The following DRC7 variants were observed in gnomAD, a reference collection of about 807,000 sequenced individuals.
DRC7 encodes the protein coiled-coil domain containing 135.
Under a neutral mutation model 104.4 loss-of-function variants are expected in DRC7, and 80 were observed. That is an observed-to-expected ratio of 0.77 (90% confidence interval 0.64 to 0.92). DRC7 has a LOEUF of 0.92. DRC7 is among the 40% of genes least tolerant of loss of function. DRC7 has a pLI of 0.00. For synonymous variants in DRC7, 405 were observed against 447.3 expected, an observed-to-expected ratio of 0.91 and a Z score of 1.19; for missense variants, 1,034 against 1,141.1, an observed-to-expected ratio of 0.91 and a Z score of 1.35.
chr16:57,727,205 A>T (rs992086297), intron 15 of DRC7, 94 bp from the exon 16 acceptor site: 18 of 992,850 alleles, frequency 1.8e-5, no homozygotes, highest in Non-Finnish European at 2.5e-5. Context: ...TCCTGAATTC[A>T]TGCAATCTGC....
At chr16:57,696,772 T>C (rs1448478421) in intron 2 of DRC7, among the ~76,000 whole-genome samples, 178 bp downstream of exon 2, 2 of 152,384 alleles carry the variant, frequency 1.3e-5, no homozygotes, top group East Asian at 3.9e-4. Context: ...CCTGTTTGTA[T>C]GCCCTGGTGC....
intron 5 of DRC7, among the ~76,000 whole-genome samples, chr16:57,700,518 A>G (rs1379536387): frequency 6.6e-6 from 1 of 152,078 alleles, no homozygotes; most frequent in Non-Finnish European, 1.5e-5. Context: ...GTGGTGGCAC[A>G]TGCCTGTAAT....
chr16:57,722,815 G>A lies in DRC7; in HGVS notation c.1382G>A (p.Arg461His), dbSNP rs141168933. ...CTCAATAGCAATGGCCTTGTGAGCCGCCTCACCACCTATGAGGACTTGCAG... is the reference window on the plus strand; with the variant it reads ...CTCAATAGCAATGGCCTTGTGAGCCACCTCACCACCTATGAGGACTTGCAG... ...PYLNSNGLVS[R>H]LTTYEDLQCT... The change falls in exon 11 of 19, where the codon CGC (arginine) becomes CAC (histidine). Residue 461 changes from arginine to histidine, a missense_variant. Transcript: ENST00000360716. The A allele has an allele frequency of 3.7e-5, 59 of 1,613,692 alleles. No homozygotes were observed. In the African/African-American group the frequency reaches 5.6e-4, roughly 15 times the overall value.
In DRC7 at chr16:57,731,753, T is replaced by G. The variant is rs2049064155; in HGVS notation, c.*495T>G. On this transcript the variant is annotated 3_prime_UTR_variant, in exon 19 of 19. Transcript: ENST00000360716. ...GCTCCTCCTCTTACCAGATACCACT[T>G]ACCCATCTGTGGAATGGGGTAGCAT... The G allele has an allele frequency of 1.2e-5, 2 of 163,888 alleles. No individual in the cohort carries two copies. Among genetic ancestry groups the G allele is most frequent in the South Asian group, 1.7e-4 (1 of 6,016 alleles). 10.2% of individuals were successfully genotyped at this position (163,888 alleles called of 1,614,324 possible).
At chr16:57,719,166 G>A (rs866951313) in intron 9 of DRC7, among the ~76,000 whole-genome samples, 48 of 152,078 alleles carry the variant, frequency 3.2e-4, no homozygotes, top group African/African-American at 3.9e-4. Flanking sequence ...TCTGAATGTC[G>A]TTGGCCAGGG....
In DRC7 at chr16:57,697,788, A is replaced by G. The variant is rs188459270; in HGVS notation, c.-37-125A>G. 8.9e-6 allele frequency: 9 copies of G among 1,007,362 alleles called. No homozygotes were observed. The East Asian group carries it at 2.2e-4, about 24-fold the overall frequency. 62.4% of individuals were successfully genotyped at this position (1,007,362 alleles called of 1,614,324 possible). ...TTGAAAGGAAGTCAAAGAGGGAATC[A>G]CTCCCTATGTGTTCGACACCTCCTC... On this transcript the variant is annotated intron_variant, in intron 2 of 18. Coordinates refer to ENST00000360716, the MANE Select transcript of DRC7 (RefSeq NM_001289162.2).
chr16:57,698,191 C>A (rs756834833), intron 3 of DRC7, 39 bp downstream of exon 3: 1 of 1,612,350 alleles, frequency 6.2e-7, no homozygotes, highest in Non-Finnish European at 8.5e-7. Flanking sequence ...AAGGGTAGAC[C>A]GGGGCTGGGC....
chr16:57,728,081 T>C lies in DRC7; in HGVS notation c.2197-309T>C, dbSNP rs917593091. On this transcript the variant is annotated intron_variant, in intron 16 of 18. Transcript: ENST00000360716. ...CCGTTGACTGAATAAGCATCTACTATGGATTGTCAGGCATCAGGCTGCGTG... is the reference window on the plus strand; with the variant it reads ...CCGTTGACTGAATAAGCATCTACTACGGATTGTCAGGCATCAGGCTGCGTG... 1.9e-4 allele frequency among the ~76,000 whole-genome samples: 29 copies of C among 152,354 alleles called. 1 individual carries two copies. The highest frequency in any genetic ancestry group is 3.4e-3 in the Middle Eastern group (1 of 294).
rs1254179195 is a variant in DRC7 at position 57,695,998 on chromosome 16, G to T, written c.-168-466G>T. The stretch of plus-strand genomic sequence containing the variant: ...TGCTCCTGGCTTCACCCAGGGAAGT[G>T]GGGGATGATTAGAAAATCAAGGGGA... On this transcript the variant is annotated intron_variant, in intron 1 of 18. Transcript: ENST00000360716. Among the ~76,000 whole-genome samples the T allele has an allele frequency of 2.0e-5, 3 of 152,334 alleles. No homozygotes were observed. The East Asian group carries it at 5.8e-4, about 29-fold the overall frequency.
At chr16:57,717,406 A>T (rs1305542904) in intron 8 of DRC7, among the ~76,000 whole-genome samples, 2 of 151,074 alleles carry the variant, frequency 1.3e-5, no homozygotes, top group Non-Finnish European at 3.0e-5. Context: ...TGGCTTAAAA[A>T]AAAAAAAAAA....
At chr16:57,724,541 G>T in intron 12 of DRC7, 74 bp from the exon 13 acceptor site, 4 of 1,078,364 alleles carry the variant, frequency 3.7e-6, no homozygotes, top group Non-Finnish European at 5.4e-6. Flanking sequence ...GCCTGGGGTT[G>T]GGCGACCAAG....
At chr16:57,723,681 T>G (rs2048931792) in intron 12 of DRC7, among the ~76,000 whole-genome samples, 1 of 151,802 alleles carries the variant, frequency 6.6e-6, no homozygotes, top group Admixed American at 6.6e-5. Flanking sequence ...TGAGCCGAGA[T>G]TATGCCACTG....
At chr16:57,718,052 G>A (rs1168763694) in intron 8 of DRC7, among the ~76,000 whole-genome samples, 4 of 152,230 alleles carry the variant, frequency 2.6e-5, no homozygotes, top group African/African-American at 4.8e-5. Context: ...TCCAGGTCTA[G>A]CCCAGGCCAG....
intron 4 of DRC7, 92 bp from the exon 5 acceptor site, chr16:57,700,053 A>G (rs2048640329): frequency 1.4e-6 from 2 of 1,467,406 alleles, no homozygotes; most frequent in South Asian, 2.6e-5. Flanking sequence ...TCAGGCCTCT[A>G]GGGTCCCCCT....
chr16:57,697,997 G>A lies in DRC7; in HGVS notation c.48G>A (p.Arg16=), dbSNP rs781643082. 1.9e-6 allele frequency: 3 copies of A among 1,613,666 alleles called. No individual in the cohort carries two copies. Among genetic ancestry groups the A allele is most frequent in the Admixed American group, 1.7e-5 (1 of 60,026 alleles). ...TGGAGGAGGAGGAGGAGGCCGAGCG[G>A]GAGGAGGCGGCCGAGTGGGCTGAAT... ...EKVEEEEEAE[R]EEAAEWAEWA... Residue 16 remains arginine, a synonymous_variant, in exon 3 of 19, where the codon CGG becomes CGA. Transcript: ENST00000360716.
intron 8 of DRC7, among the ~76,000 whole-genome samples, chr16:57,708,853 G>C (rs1422792266): frequency 6.6e-6 from 1 of 152,170 alleles, no homozygotes; most frequent in East Asian, 1.9e-4. Context: ...TTTTGGCTGA[G>C]TGTGGGGGCT....
Position 57,722,832 on chromosome 16 carries a change from G to A in DRC7, c.1399G>A (p.Asp467Asn). The A allele has an allele frequency of 6.2e-7, 1 of 1,613,800 alleles. No homozygotes were observed. Among genetic ancestry groups the A allele is most frequent in the Admixed American group, 1.7e-5 (1 of 60,016 alleles). The change falls in exon 11 of 19, where the codon GAC becomes AAC. Residue 467 changes from aspartate (D) to asparagine (N), a missense_variant. By Grantham distance (23) the Asp-to-Asn change is conservative. Transcript: ENST00000360716. The part of the protein sequence containing the change: ...GLVSRLTTYE[D>N]LQCTNILEIK... ...TGTGAGCCGCCTCACCACCTATGAG[G>A]ACTTGCAGTGTAAGGGGGATTGCTC...
At chr16:57,724,880 G>A (rs2048946408) in intron 13 of DRC7, 45 bp downstream of exon 13, 2 of 1,475,486 alleles carry the variant, frequency 1.4e-6, no homozygotes, top group Admixed American at 1.8e-5. Context: ...TCCTTCTCTG[G>A]CAGCTGATGT....
chr16:57,731,528 C>T lies in DRC7; in HGVS notation c.*270C>T. On this transcript the variant is annotated 3_prime_UTR_variant, in exon 19 of 19. Coordinates refer to ENST00000360716, the MANE Select transcript of DRC7 (RefSeq NM_001289162.2). ...CTGTTATCTATAGCCTGGGACCACC[C>T]CCTTCCTCCCCTTGGCCTGTCGTTT... 1 of 496,744 alleles carries T rather than the reference C, an allele frequency of 2.0e-6. No individual in the cohort carries two copies. Among genetic ancestry groups the T allele is most frequent in the Non-Finnish European group, 3.6e-6 (1 of 276,434 alleles). 30.8% of individuals were successfully genotyped at this position (496,744 alleles called of 1,614,324 possible).
Sources: allele counts gnomAD v4.1 joint callset (sites outside exome capture counted in the v4.1 genomes callset), GRCh38; gene constraint gnomAD v4.1.1; transcripts MANE v1.5; gene names NCBI Gene and HGNC (gene_info 2026-07-23, HGNC 2026-07-21).